IGF2BP1: variants seen among roughly 807,000 people sequenced by gnomAD.
The protein encoded by IGF2BP1 is insulin like growth factor 2 mRNA binding protein 1.
IGF2BP1 carries 11 observed loss-of-function variants against 74.9 expected under a neutral mutation model. The observed-to-expected ratio is 0.15, with a 90% CI of 0.09 to 0.24. The LOEUF (loss-of-function observed/expected upper bound fraction) is 0.24. IGF2BP1 is among the 10% of genes least tolerant of loss of function. IGF2BP1 has a pLI of 1.00. For synonymous variants in IGF2BP1, 287 were observed against 281.8 expected, an observed-to-expected ratio of 1.02 and a Z score of -0.18; for missense variants, 440 against 757.4, an observed-to-expected ratio of 0.58 and a Z score of 4.92.
rs971056271 is a variant in IGF2BP1 at position 49,045,217 on chromosome 17, G to C, written c.1395+152G>C. On this transcript the variant is annotated intron_variant, in intron 12 of 14. Coordinates refer to ENST00000290341, the MANE Select transcript of IGF2BP1 (RefSeq NM_006546.4). Reference sequence around the variant, plus strand: ...TCCATGCAGGATAAAGGGCTGCAGAGCTATTTTCAAATTGACATCAAACTG... The same window carrying C: ...TCCATGCAGGATAAAGGGCTGCAGACCTATTTTCAAATTGACATCAAACTG... The C allele has an allele frequency of 1.0e-5, 6 of 590,620 alleles. No homozygotes were observed. In the African/African-American group the frequency reaches 1.1e-4, roughly 11 times the overall value. The allele number at this position is 590,620 out of a possible 1,614,324, so 36.6% of individuals were successfully genotyped here. A position where few individuals can be genotyped will look rare whatever the true frequency, so the allele number is the denominator to read the frequency against.
rs781760945 is a variant in IGF2BP1, at chr17:48,997,712, G to GCCCGGGACCGCGTCCTGC, written c.-29_-12dup. ...CGCCCGCGCCCGCTCGTTCGGCCTT[G>GCCCGGGACCGCGTCCTGC]CCCGGGACCGCGTCCTGCCCCGAGA... is the stretch of plus-strand genomic sequence containing the variant. On this transcript the variant is annotated 5_prime_UTR_variant, in exon 1 of 15. Transcript: ENST00000290341. The surrounding 1 kb of genome is among the most constrained non-coding windows in gnomAD (Gnocchi z 4.8). 5.6e-6 allele frequency: 9 copies of GCCCGGGACCGCGTCCTGC among 1,602,500 alleles called. No individual in the cohort carries two copies. In the East Asian group the frequency reaches 1.6e-4, roughly 28 times the overall value.
intron 2 of IGF2BP1, among the ~76,000 whole-genome samples, chr17:49,024,111 T>G (rs1021479161): frequency 1.4e-5 from 2 of 143,582 alleles, no homozygotes; most frequent in African/African-American, 2.6e-5. Flanking sequence ...TTTTTTTTTT[T>G]GTAGAGAGGA....
At chr17:49,045,840 T>C (rs760941894) in intron 12 of IGF2BP1, 50 bp from the exon 13 acceptor site, 2 of 1,578,746 alleles carry the variant, frequency 1.3e-6, no homozygotes, top group Admixed American at 3.7e-5. Flanking sequence ...ACTTTTCTCT[T>C]TTGTCACAGA....
At position 49,040,102 on chromosome 17, in the gene IGF2BP1, A is replaced by G. The variant is rs1271604323; in HGVS notation, c.818+11A>G. 1 of 1,613,814 alleles carries G rather than the reference A, an allele frequency of 6.2e-7. No individual in the cohort carries two copies. The highest frequency in any genetic ancestry group is 1.7e-5 in the Admixed American group (1 of 59,978). ...TAAGGACACCAAAACGTAAGTCTCC[A>G]GCTTTTCTTGGATCTTCAGGGTCTG... On this transcript the variant is annotated intron_variant, in intron 7 of 14. Transcript: ENST00000290341.
intron 2 of IGF2BP1, among the ~76,000 whole-genome samples, chr17:49,024,737 T>C (rs2041831485): frequency 6.6e-6 from 1 of 152,240 alleles, no homozygotes; most frequent in African/African-American, 2.4e-5. Context: ...CACTGCACTA[T>C]ATCTTGCTGT....
intron 5 of IGF2BP1, among the ~76,000 whole-genome samples, chr17:49,037,632 T>C (rs1355524063): frequency 6.6e-6 from 1 of 152,260 alleles, no homozygotes; most frequent in Non-Finnish European, 1.5e-5. Context: ...GATTAACATT[T>C]GAATTCTACA....
intron 2 of IGF2BP1, among the ~76,000 whole-genome samples, chr17:49,011,688 C>CAA (rs879470655): frequency 9.9e-4 from 128 of 129,902 alleles, no homozygotes; most frequent in Admixed American, 1.8e-3. Context: ...GACCCTGTTC[C>CAA]AAAAAAAAAA....
rs1355695564 is a variant in IGF2BP1 at position 49,051,192 on chromosome 17, A to AAAAAG, written c.*1754_*1758dup. ...TTGCAGCTTGCTGATATTTTATATAAAAAAGAAAAGCAAAGCAAAAGAGAA... is the reference window on the plus strand; with the variant it reads ...TTGCAGCTTGCTGATATTTTATATAAAAAAGAAAAGAAAAGCAAAGCAAAAGAGAA... On this transcript the variant is annotated 3_prime_UTR_variant, in exon 15 of 15. Transcript: ENST00000290341. 6.6e-6 allele frequency: 1 copy of AAAAAG among 152,646 alleles called. No individual in the cohort carries two copies. The highest frequency in any genetic ancestry group is 1.5e-5 in the Non-Finnish European group (1 of 68,044). 9.5% of individuals were successfully genotyped at this position (152,646 alleles called of 1,614,324 possible). A position where few individuals can be genotyped will look rare whatever the true frequency, so the allele number is the denominator to read the frequency against.
At chr17:49,014,359 C>T (rs2041664765) in intron 2 of IGF2BP1, among the ~76,000 whole-genome samples, 3 of 150,604 alleles carry the variant, frequency 2.0e-5, no homozygotes. Context: ...GCCCGCTCTG[C>T]TGCGCTTTCC....
chr17:49,013,563 T>C (rs1022230563), intron 2 of IGF2BP1: 4 of 152,540 alleles, frequency 2.6e-5, no homozygotes, highest in African/African-American at 9.6e-5. Context: ...GGTTGCCACT[T>C]AAATGCTTGC....
intron 8 of IGF2BP1, among the ~76,000 whole-genome samples, chr17:49,041,987 A>C (rs2042057782): frequency 6.6e-6 from 1 of 152,250 alleles, no homozygotes; most frequent in African/African-American, 2.4e-5. Context: ...ACTTGGAGGC[A>C]CAACCATAAT....
chr17:49,006,266 A>G (rs1373062287), intron 2 of IGF2BP1, among the ~76,000 whole-genome samples: 1 of 152,196 alleles, frequency 6.6e-6, no homozygotes, highest in African/African-American at 2.4e-5. Context: ...AAAGAGGAAC[A>G]AGGAGGAAAG....
chr17:48,998,998 G>T, intron 1 of IGF2BP1, 111 bp from the exon 2 acceptor site: 1 of 686,874 alleles, frequency 1.5e-6, no homozygotes, highest in South Asian at 1.8e-5. Flanking sequence ...TTCCTAGGAA[G>T]ATCTCGAATC....
At chr17:49,039,018 C>T (rs1427412069) in intron 6 of IGF2BP1, among the ~76,000 whole-genome samples, 2 of 151,650 alleles carry the variant, frequency 1.3e-5, no homozygotes, top group East Asian at 1.9e-4. Flanking sequence ...GCTGGGATTA[C>T]AGGCGCGTGC....
intron 2 of IGF2BP1, among the ~76,000 whole-genome samples, chr17:49,006,950 TTC>T (rs2041557655): frequency 1.3e-5 from 2 of 152,300 alleles, no homozygotes; most frequent in African/African-American, 4.8e-5. Context: ...AGGCCATTTA[TTC>T]TGTTATCGTT....
chr17:48,998,989 T>G lies in IGF2BP1; in HGVS notation c.176-120T>G, dbSNP rs560703787. 9.9e-5 allele frequency: 66 copies of G among 664,058 alleles called. No homozygotes were observed. The African/African-American group carries it at 1.1e-3, about 11-fold the overall frequency. The allele number at this position is 664,058 out of a possible 1,614,324, so 41.1% of individuals were successfully genotyped here. On this transcript the variant is annotated intron_variant, in intron 1 of 14. Transcript: ENST00000290341. ...TGGATGCGGAAGCCACTGCCTGGAT[T>G]CCTAGGAAGATCTCGAATCCCAGTA... is the stretch of plus-strand genomic sequence containing the variant.
intron 6 of IGF2BP1, 40 bp from the exon 7 acceptor site, chr17:49,039,917 A>G: frequency 6.2e-7 from 1 of 1,608,500 alleles, no homozygotes; most frequent in Non-Finnish European, 8.5e-7. Context: ...TACTGGTATC[A>G]CTGGGGACAA....
chr17:49,011,600 G>A (rs1462417128), intron 2 of IGF2BP1, among the ~76,000 whole-genome samples: 1 of 152,086 alleles, frequency 6.6e-6, no homozygotes, highest in Non-Finnish European at 1.5e-5. Context: ...GAGGCAGGAA[G>A]GTTGCGTGAG....
chr17:49,046,501 C>T, intron 14 of IGF2BP1, 128 bp downstream of exon 14: 1 of 659,046 alleles, frequency 1.5e-6, no homozygotes, highest in Non-Finnish European at 2.7e-6. Flanking sequence ...CTGCCTGCCT[C>T]TAGGCTAGGT....
Sources: gnomAD v4.1 joint callset for allele counts (sites outside exome capture counted in the v4.1 genomes callset) on GRCh38, gnomAD v4.1.1 for gene constraint, Gnocchi (gnomAD v3.1) non-coding constraint, MANE v1.5 for transcripts, NCBI Gene and HGNC (gene_info 2026-07-23, HGNC 2026-07-21) for gene names.